Variants in DYNC1I1 observed in about 807,000 individuals in gnomAD.
DYNC1I1 encodes the protein cytoplasmic dynein 1 intermediate chain 1.
Under a neutral mutation model 86.6 loss-of-function variants are expected in DYNC1I1, and 43 were observed. The observed-to-expected ratio is 0.50, with a 90% CI of 0.39 to 0.64. The LOEUF (loss-of-function observed/expected upper bound fraction) is 0.64, where lower values mean the gene tolerates loss of function less well. Ranked by LOEUF, DYNC1I1 falls within the 30% of genes least tolerant of loss-of-function variation. The pLI, the probability that DYNC1I1 is intolerant of heterozygous loss-of-function variation, is 0.00. For missense variants in DYNC1I1, 604 were observed against 788.8 expected, an observed-to-expected ratio of 0.77 and a Z score of 2.81; for synonymous variants, 262 against 283.7, an observed-to-expected ratio of 0.92 and a Z score of 0.77.
intron 10 of DYNC1I1, among the ~76,000 whole-genome samples, chr7:96,016,574 A>G (rs991029933): frequency 6.6e-6 from 1 of 152,182 alleles, no homozygotes; most frequent in Admixed American, 6.5e-5. Flanking sequence ...ACTCTTGCCA[A>G]TACAACAGCT....
intron 16 of DYNC1I1, among the ~76,000 whole-genome samples, chr7:96,082,220 CA>C (rs1216790876): frequency 6.6e-6 from 1 of 150,442 alleles, no homozygotes; most frequent in Non-Finnish European, 1.5e-5. Context: ...ACAACAATAA[CA>C]AAAACAGATA....
At chr7:95,976,695 A>G (rs1010218588) in intron 6 of DYNC1I1, among the ~76,000 whole-genome samples, 4 of 152,134 alleles carry the variant, frequency 2.6e-5, no homozygotes, top group African/African-American at 9.7e-5. Flanking sequence ...TTAATTTTTT[A>G]TGTCGTTTTA....
At chr7:95,834,660 G>A (rs1347897562) in intron 5 of DYNC1I1, among the ~76,000 whole-genome samples, 5 of 136,170 alleles carry the variant, frequency 3.7e-5, no homozygotes, top group African/African-American at 8.5e-5. Context: ...CCTGTTATTG[G>A]TCTATTCAGA....
At chr7:95,774,283 T>C (rs1793784373) in intron 1 of DYNC1I1, among the ~76,000 whole-genome samples, 1 of 152,150 alleles carries the variant, frequency 6.6e-6, no homozygotes, top group South Asian at 2.1e-4. Flanking sequence ...CTCAGCATTT[T>C]ACTTTGTCTT....
intron 6 of DYNC1I1, among the ~76,000 whole-genome samples, chr7:95,907,768 T>C (rs567991112): frequency 0.012 from 1,466 of 120,402 alleles, 30 homozygotes; most frequent in African/African-American, 0.047. Flanking sequence ...AATGTCTCAA[T>C]CAACTGTTTT....
chr7:95,962,234 TCTGA>T (rs1225811307), intron 6 of DYNC1I1, among the ~76,000 whole-genome samples: 3 of 152,312 alleles, frequency 2.0e-5, no homozygotes, highest in East Asian at 3.9e-4. Flanking sequence ...CCCAGCTCCA[TCTGA>T]CTGCCCATTC....
downstream of DYNC1I1, among the ~76,000 whole-genome samples, chr7:96,099,247 A>C (rs2116340461): frequency 1.3e-5 from 2 of 152,304 alleles, no homozygotes; most frequent in East Asian, 3.9e-4. Flanking sequence ...TAGGCACATA[A>C]AATGTTACAA....
At chr7:95,849,801 C>T (rs1789530007) in intron 5 of DYNC1I1, among the ~76,000 whole-genome samples, 1 of 152,102 alleles carries the variant, frequency 6.6e-6, no homozygotes, top group African/African-American at 2.4e-5. Context: ...TTGTAGGTCA[C>T]TTTGAGTAAT....
At chr7:96,001,100 A>G (rs1794000797) in intron 10 of DYNC1I1, among the ~76,000 whole-genome samples, 2 of 152,082 alleles carry the variant, frequency 1.3e-5, no homozygotes, top group Admixed American at 1.3e-4. Flanking sequence ...TCAACACAGA[A>G]CTCCAGCTGA....
intron 12 of DYNC1I1, among the ~76,000 whole-genome samples, chr7:96,035,087 T>C (rs1794899195): frequency 6.6e-6 from 1 of 152,238 alleles, no homozygotes; most frequent in African/African-American, 2.4e-5. Context: ...TTCAGGCTTA[T>C]AGCCTATTCA....
At chr7:96,041,875 T>G (rs1161193880) in intron 14 of DYNC1I1, among the ~76,000 whole-genome samples, 4 of 152,110 alleles carry the variant, frequency 2.6e-5, no homozygotes, top group Non-Finnish European at 1.5e-5. Flanking sequence ...ACATTTGATT[T>G]TGGAACCATG....
intron 5 of DYNC1I1, among the ~76,000 whole-genome samples, chr7:95,839,862 T>C (rs529640521): frequency 3.6e-4 from 55 of 152,264 alleles, no homozygotes; most frequent in African/African-American, 1.3e-3. Flanking sequence ...TGGCAGGTTT[T>C]TTTTTTCTTC....
At chr7:95,901,145 T>C (rs1244990235) in intron 6 of DYNC1I1, among the ~76,000 whole-genome samples, 1 of 152,196 alleles carries the variant, frequency 6.6e-6, no homozygotes, top group Non-Finnish European at 1.5e-5. Context: ...ACATGGCAGC[T>C]GTATGTTTCC....
intron 14 of DYNC1I1, among the ~76,000 whole-genome samples, chr7:96,046,969 A>G (rs1789234886): frequency 6.6e-6 from 1 of 152,194 alleles, no homozygotes; most frequent in Non-Finnish European, 1.5e-5. Flanking sequence ...GTTCTATAAC[A>G]AAACAACTTA....
intron 10 of DYNC1I1, among the ~76,000 whole-genome samples, chr7:96,021,034 T>C (rs904208621): frequency 6.6e-6 from 1 of 152,172 alleles, no homozygotes; most frequent in South Asian, 2.1e-4. Flanking sequence ...GAGGAGTTAG[T>C]GTTTAACGGG....
chr7:95,775,853 C>G (rs1401969798), intron 1 of DYNC1I1, among the ~76,000 whole-genome samples: 1 of 152,192 alleles, frequency 6.6e-6, no homozygotes, highest in Non-Finnish European at 1.5e-5. Flanking sequence ...CTAGGAACTT[C>G]TAGAGTTGAC....
intron 4 of DYNC1I1, chr7:95,818,572 C>A: frequency 1.5e-6 from 1 of 651,896 alleles, no homozygotes; most frequent in Non-Finnish European, 2.8e-6. Flanking sequence ...CCTCTTCATC[C>A]CAAAGTGGTG....
chr7:95,987,012 G>C, intron 8 of DYNC1I1, 44 bp from the exon 9 acceptor site: 1 of 1,562,694 alleles, frequency 6.4e-7, no homozygotes, highest in Non-Finnish European at 8.8e-7. Context: ...GAGCAGCATA[G>C]AGAAAGAGCT....
chr7:96,029,781 C>T (rs1214999913), intron 11 of DYNC1I1, among the ~76,000 whole-genome samples: 2 of 151,834 alleles, frequency 1.3e-5, no homozygotes, highest in African/African-American at 4.8e-5. Flanking sequence ...TGTGGTGGTG[C>T]ACGCCTGTAA....
Sources: allele counts gnomAD v4.1 joint callset (sites outside exome capture counted in the v4.1 genomes callset), GRCh38; gene constraint gnomAD v4.1.1; transcripts MANE v1.5; gene names NCBI Gene and HGNC (gene_info 2026-07-23, HGNC 2026-07-21).